CCNQ: variants seen among roughly 807,000 people sequenced by gnomAD.
CCNQ encodes cyclin Q.
A neutral mutation model predicts 17.7 loss-of-function variants in CCNQ; 3 were observed. The observed-to-expected ratio is 0.17, with a 90% CI of 0.08 to 0.44. The LOEUF (loss-of-function observed/expected upper bound fraction) is 0.44. Ranked by LOEUF, CCNQ falls within the 20% of genes least tolerant of loss-of-function variation. The pLI, the probability that CCNQ is intolerant of heterozygous loss-of-function variation, is 0.99. For missense variants in CCNQ, 146 were observed against 222.6 expected, an observed-to-expected ratio of 0.66 and a Z score of 2.19; for synonymous variants, 73 against 96.0, an observed-to-expected ratio of 0.76 and a Z score of 1.40.
At position 153,594,782 on chromosome X, in the gene CCNQ, G is replaced by A. The variant is rs1355359063; in HGVS notation, c.297-103C>T. ...ACAATGTCCAGATGCAAACTACATC[G>A]TCCATCTGCAGATTCATGGAGGGTC... On this transcript the variant is annotated intron_variant, in intron 2 of 4. Transcript: ENST00000576892. 4.5e-5 allele frequency: 40 copies of A among 896,116 alleles called. No homozygotes were observed. In the South Asian group the frequency reaches 6.8e-4, roughly 15 times the overall value. The allele number at this position is 896,116 out of a possible 1,213,427, so 73.9% of individuals were successfully genotyped here.
chrX:153,592,279 C>T (rs1345644901), intron 4 of CCNQ, among the ~76,000 whole-genome samples: 3 of 113,189 alleles, frequency 2.7e-5, no homozygotes, highest in African/African-American at 6.4e-5. Flanking sequence ...CCGGCGACGT[C>T]GGTGGAGGCC....
chrX:153,587,970 T>C lies in CCNQ; in HGVS notation c.*395A>G. On this transcript the variant is annotated 3_prime_UTR_variant, in exon 5 of 5. Coordinates refer to ENST00000576892, the MANE Select transcript of CCNQ (RefSeq NM_152274.5). ...TTACACAAAATAGATTTCAGCCACG[T>C]TGCACATTCATTCTCCCTACAAATC... is the stretch of plus-strand genomic sequence containing the variant. 6.5e-6 allele frequency: 2 copies of C among 306,168 alleles called. No individual in the cohort carries two copies. Among genetic ancestry groups the C allele is most frequent in the South Asian group, 7.4e-5 (2 of 27,182 alleles). 25.2% of individuals were successfully genotyped at this position (306,168 alleles called of 1,213,427 possible). A position where few individuals can be genotyped will look rare whatever the true frequency, so the allele number is the denominator to read the frequency against.
chrX:153,598,520 G>T (rs2091043952), intron 1 of CCNQ, among the ~76,000 whole-genome samples: 1 of 113,344 alleles, frequency 8.8e-6, no homozygotes, highest in African/African-American at 3.2e-5. Flanking sequence ...CACTACTGTG[G>T]ATGTCCTGGC....
chrX:153,595,190 T>C (rs1200318744), intron 2 of CCNQ, among the ~76,000 whole-genome samples: 2 of 113,502 alleles, frequency 1.8e-5, no homozygotes, highest in African/African-American at 6.4e-5. Flanking sequence ...CAGCCACAGC[T>C]CACTGCAGCC....
rs782298309 is a variant in CCNQ at position 153,592,619 on chromosome X, G to C, written c.544C>G (p.Leu182Val). Residue 182 changes from leucine (L) to valine (V), a missense_variant, in exon 4 of 5, where the codon CTG (leucine) becomes GTG (valine). Coordinates refer to ENST00000576892, the MANE Select transcript of CCNQ (RefSeq NM_152274.5). ...ALLRDSYHGA[L>V]CLRFQAQHIA... ...TGCTGGGCCTGGAAGCGGAGGCACA[G>C]CGCCCCATGGTAGCTGTCCCGCAGC... 2 of 1,211,231 alleles carry C rather than the reference G, an allele frequency of 1.7e-6. No homozygotes were observed. The highest frequency in any genetic ancestry group is 2.2e-6 in the Non-Finnish European group (2 of 895,078).
At position 153,588,064 on chromosome X, in the gene CCNQ, C is replaced by T; in HGVS notation, c.*301G>A. 2.3e-6 allele frequency: 1 copy of T among 437,221 alleles called. No homozygotes were observed. The highest frequency in any genetic ancestry group is 3.2e-5 in the South Asian group (1 of 30,875). The allele number at this position is 437,221 out of a possible 1,213,427, so 36.0% of individuals were successfully genotyped here. A position where few individuals can be genotyped will look rare whatever the true frequency, so the allele number is the denominator to read the frequency against. The stretch of plus-strand genomic sequence containing the variant: ...TGACTTTCCTTTCATTGATGTCATG[C>T]CTGTATTGTAGTCAAAGTCCTCTCA... On this transcript the variant is annotated 3_prime_UTR_variant, in exon 5 of 5. Coordinates refer to ENST00000576892, the MANE Select transcript of CCNQ (RefSeq NM_152274.5).
At chrX:153,590,442 C>T (rs1209072049) in intron 4 of CCNQ, among the ~76,000 whole-genome samples, 2 of 110,123 alleles carry the variant, frequency 1.8e-5, no homozygotes, top group African/African-American at 6.6e-5. Flanking sequence ...TAGGATTCCA[C>T]TCCTGTGAGG....
At chrX:153,592,917 G>A (rs781926126) in intron 3 of CCNQ, among the ~76,000 whole-genome samples, 184 bp from the exon 4 acceptor site, 1 of 111,633 alleles carries the variant, frequency 9.0e-6, no homozygotes, top group South Asian at 3.8e-4. Flanking sequence ...CCCATCTAGG[G>A]CCTTCGCACT....
intron 4 of CCNQ, among the ~76,000 whole-genome samples, chrX:153,590,231 TAA>T (rs59053078): frequency 4.2e-4 from 11 of 26,448 alleles, no homozygotes; most frequent in African/African-American, 1.9e-3. Flanking sequence ...CTGTCTCTAT[TAA>T]AAAAAAAAAA....
chrX:153,591,153 G>A lies in CCNQ; in HGVS notation c.657+1353C>T, dbSNP rs782343510. ...GCTCTGCAGCACCCGGGTGGGTGAG[G>A]CCTCCCAGGATCTCACTCATCATGG... On this transcript the variant is annotated intron_variant, in intron 4 of 4. Coordinates refer to ENST00000576892, the MANE Select transcript of CCNQ (RefSeq NM_152274.5). 5.4e-5 allele frequency among the ~76,000 whole-genome samples: 6 copies of A among 111,681 alleles called. No homozygotes were observed. The South Asian group carries it at 2.2e-3, about 42-fold the overall frequency.
In CCNQ at chrX:153,592,881, C is replaced by A. The variant is rs1362754646; in HGVS notation, c.430-148G>T. On this transcript the variant is annotated intron_variant, in intron 3 of 4. Coordinates refer to ENST00000576892, the MANE Select transcript of CCNQ (RefSeq NM_152274.5). Reference sequence around the variant, plus strand: ...GCCTTCTGCTGGCCCCATCTCCTGCCGATCCCACCCTGCCTTCCAGCAAAC... The same window carrying A: ...GCCTTCTGCTGGCCCCATCTCCTGCAGATCCCACCCTGCCTTCCAGCAAAC... 7.3e-6 allele frequency: 4 copies of A among 545,663 alleles called. No individual in the cohort carries two copies. In the South Asian group the frequency reaches 1.2e-4, roughly 16 times the overall value. 45.0% of individuals were successfully genotyped at this position (545,663 alleles called of 1,213,427 possible). A position where few individuals can be genotyped will look rare whatever the true frequency, so the allele number is the denominator to read the frequency against.
In CCNQ at chrX:153,594,638, C is replaced by T. The variant is rs150562029; in HGVS notation, c.338G>A (p.Arg113His). ...PSGEPLELDS[R>H]FWELRDSIVQ... ...GATGCTGTCCCGGAGTTCCCAGAAG[C>T]GGGAGTCCAATTCCAGGGGCTCACC... Residue 113 changes from arginine to histidine, a missense_variant, in exon 3 of 5, where the codon CGC (arginine) becomes CAC (histidine). By Grantham distance (29) the Arg-to-His change is conservative. Coordinates refer to ENST00000576892, the MANE Select transcript of CCNQ (RefSeq NM_152274.5). 4,252 of 1,210,043 alleles carry T rather than the reference C, an allele frequency of 3.5e-3. 2 individuals are homozygous for T. Among genetic ancestry groups the T allele is most frequent in the Middle Eastern group, 4.6e-3 (20 of 4,306 alleles).
intron 4 of CCNQ, among the ~76,000 whole-genome samples, chrX:153,591,416 G>A (rs1192281168): frequency 8.9e-6 from 1 of 112,435 alleles, no homozygotes; most frequent in Non-Finnish European, 1.9e-5. Flanking sequence ...CTTCCTGGCT[G>A]TGCAGGGTTA....
rs1465134556 is a variant in CCNQ at position 153,595,364 on chromosome X, C to T, written c.296+640G>A. 4.4e-5 allele frequency among the ~76,000 whole-genome samples: 5 copies of T among 113,695 alleles called. No homozygotes were observed. In the Admixed American group the frequency reaches 4.6e-4, roughly 10 times the overall value. On this transcript the variant is annotated intron_variant, in intron 2 of 4. Transcript: ENST00000576892. ...AACTCCTGGGCTCAAGCGATCCACC[C>T]GCCTCGGCCTCCCAAAGTGCTGGGA...
intron 4 of CCNQ, among the ~76,000 whole-genome samples, chrX:153,589,023 T>C (rs1264067229): frequency 3.5e-5 from 4 of 113,140 alleles, no homozygotes; most frequent in African/African-American, 1.3e-4. Context: ...GTCCACACCC[T>C]GTACCTTCCA....
At chrX:153,590,504 C>T (rs1557025554) in intron 4 of CCNQ, among the ~76,000 whole-genome samples, 1 of 110,703 alleles carries the variant, frequency 9.0e-6, no homozygotes, top group Non-Finnish European at 1.9e-5. Context: ...AGGTTGGGTG[C>T]CAGGAGCTTG....
rs782038786 is a variant in CCNQ at position 153,594,684 on chromosome X, G to A, written c.297-5C>T. The A allele has an allele frequency of 1.2e-5, 15 of 1,211,474 alleles. No homozygotes were observed. The East Asian group carries it at 3.0e-4, about 24-fold the overall frequency. On this transcript the variant is annotated splice_region_variant and splice_polypyrimidine_tract_variant and intron_variant, in intron 2 of 4. Coordinates refer to ENST00000576892, the MANE Select transcript of CCNQ (RefSeq NM_152274.5). Reference sequence around the variant, plus strand: ...TCACCGCTTGGGTTAAAGTACCTGCGCAGAGAAATGGCAATGCTTCAGCAG... The same window carrying A: ...TCACCGCTTGGGTTAAAGTACCTGCACAGAGAAATGGCAATGCTTCAGCAG...
At chrX:153,597,961 C>T (rs1467991458) in intron 1 of CCNQ, among the ~76,000 whole-genome samples, 1 of 111,177 alleles carries the variant, frequency 9.0e-6, no homozygotes, top group African/African-American at 3.3e-5. Flanking sequence ...ACTCTTCTTG[C>T]AAATTACAGT....
chrX:153,592,456 ACTTCCAGAGGG>A, intron 4 of CCNQ, 39 bp downstream of exon 4: 1 of 1,128,878 alleles, frequency 8.9e-7, no homozygotes, highest in South Asian at 1.8e-5. Flanking sequence ...CAATACAGAG[ACTTCCAGAGGG>A]AAAGGGGGCA....
Sources: allele counts gnomAD v4.1 joint callset (sites outside exome capture counted in the v4.1 genomes callset), GRCh38; gene constraint gnomAD v4.1.1; transcripts MANE v1.5; gene names NCBI Gene and HGNC (gene_info 2026-07-23, HGNC 2026-07-21).